The following MARCHF11 variants were observed in gnomAD, a reference collection of about 807,000 sequenced individuals.
MARCHF11 encodes the protein membrane associated ring-CH-type finger 11, also known as E3 ubiquitin-protein ligase MARCHF11.
MARCHF11 carries 29 observed loss-of-function variants against 37.3 expected under a neutral mutation model. That is an observed-to-expected ratio of 0.78 (90% CI 0.58 to 1.06). The LOEUF (loss-of-function observed/expected upper bound fraction) is 1.06, where lower values mean the gene tolerates loss of function less well. Ranked by LOEUF, MARCHF11 falls within the 50% of genes least tolerant of loss-of-function variation. The probability of loss-of-function intolerance (pLI) is 0.00; values close to 1 mark genes in which losing one functional copy is unlikely to be tolerated. For missense variants in MARCHF11, 482 were observed against 533.4 expected (o/e 0.90, Z 0.95); for synonymous variants, 233 against 228.0 (o/e 1.02, Z -0.20).
chr5:16,094,118 G>A (rs921511784), intron 2 of MARCHF11, among the ~76,000 whole-genome samples: 3 of 152,154 alleles, frequency 2.0e-5, no homozygotes, highest in Non-Finnish European at 2.9e-5. Flanking sequence ...TTTGAAGACA[G>A]CTATCATCTT....
At position 16,154,029 on chromosome 5, in the gene MARCHF11, C is replaced by T. The variant is rs533082360; in HGVS notation, c.693+23697G>A. On this transcript the variant is annotated intron_variant, in intron 2 of 3. Coordinates refer to ENST00000332432, the MANE Select transcript of MARCHF11 (RefSeq NM_001102562.3). ...GTATCAGGACAACGAGATAGGAGAG[C>T]CTGGACTTGATAACACAGAGCACTT... 4.6e-5 allele frequency among the ~76,000 whole-genome samples: 7 copies of T among 152,012 alleles called. No individual in the cohort carries two copies. In the South Asian group the frequency reaches 1.0e-3, roughly 22 times the overall value.
intron 2 of MARCHF11, 46 bp from the exon 3 acceptor site, chr5:16,091,127 A>T (rs1298179259): frequency 7.2e-6 from 9 of 1,244,160 alleles, no homozygotes; most frequent in East Asian, 5.9e-5. Context: ...GTGTATAATT[A>T]AAAAAGAAAA....
intron 2 of MARCHF11, among the ~76,000 whole-genome samples, chr5:16,104,680 C>CAA (rs35879619): frequency 7.0e-4 from 99 of 142,034 alleles, no homozygotes; most frequent in African/African-American, 1.6e-3. Flanking sequence ...CCATTTACCT[C>CAA]AAAAAAAAAA....
intron 2 of MARCHF11, among the ~76,000 whole-genome samples, chr5:16,093,288 AGTCTATGAT>A (rs1457272857): frequency 6.6e-6 from 1 of 152,220 alleles, no homozygotes; most frequent in East Asian, 1.9e-4. Flanking sequence ...TTTGGCAATA[AGTCTATGAT>A]GTAATCTTAG....
At chr5:16,155,664 C>T (rs1737968416) in intron 2 of MARCHF11, among the ~76,000 whole-genome samples, 1 of 151,702 alleles carries the variant, frequency 6.6e-6, no homozygotes, top group South Asian at 2.1e-4. Flanking sequence ...TTGGTACAAC[C>T]GAAGCACCTA....
chr5:16,116,794 G>C (rs1462157419), intron 2 of MARCHF11, among the ~76,000 whole-genome samples: 1 of 152,088 alleles, frequency 6.6e-6, no homozygotes. Context: ...ATGGGATTTG[G>C]GGAAAATGCA....
rs116344305 is a variant in MARCHF11 at position 16,122,252 on chromosome 5, G to A, written c.694-31171C>T. Among the ~76,000 whole-genome samples, 536 of 152,208 alleles carry A rather than the reference G, an allele frequency of 3.5e-3. 1 individual carries two copies. The highest frequency in any genetic ancestry group is 0.012 in the African/African-American group (516 of 41,536). On this transcript the variant is annotated intron_variant, in intron 2 of 3. Coordinates refer to ENST00000332432, the MANE Select transcript of MARCHF11 (RefSeq NM_001102562.3). ...ACTTTCCCAGGGAAAGCATGCACAC[G>A]TATAAGCATGCACTGGGTCTGAGTC... is the stretch of plus-strand genomic sequence containing the variant.
chr5:16,096,099 C>T (rs552762817), intron 2 of MARCHF11, among the ~76,000 whole-genome samples: 1 of 152,162 alleles, frequency 6.6e-6, no homozygotes, highest in Non-Finnish European at 1.5e-5. Context: ...TCTGCCTACT[C>T]TCTCTGCTCT....
chr5:16,098,515 C>G (rs1185817268), intron 2 of MARCHF11, among the ~76,000 whole-genome samples: 3 of 151,962 alleles, frequency 2.0e-5, no homozygotes, highest in Non-Finnish European at 4.4e-5. Flanking sequence ...ACCTGTAATC[C>G]CAGCACTTTG....
intron 2 of MARCHF11, among the ~76,000 whole-genome samples, chr5:16,095,554 G>C (rs576353323): frequency 5.3e-4 from 81 of 152,138 alleles, no homozygotes; most frequent in African/African-American, 1.8e-3. Flanking sequence ...TCTCCCAAAT[G>C]CACTGTTTAC....
intron 3 of MARCHF11, among the ~76,000 whole-genome samples, chr5:16,080,138 C>A (rs1736583671): frequency 6.6e-6 from 1 of 152,204 alleles, no homozygotes; most frequent in African/African-American, 2.4e-5. Flanking sequence ...CTCTGAACCC[C>A]CTTCTGCCCA....
At chr5:16,121,882 A>T (rs2126577603) in intron 2 of MARCHF11, among the ~76,000 whole-genome samples, 1 of 152,344 alleles carries the variant, frequency 6.6e-6, no homozygotes, top group Non-Finnish European at 1.5e-5. Context: ...TGTCCATAAT[A>T]ACAGTGCTAA....
chr5:16,173,218 G>A (rs1443877178), intron 2 of MARCHF11, among the ~76,000 whole-genome samples: 1 of 152,170 alleles, frequency 6.6e-6, no homozygotes, highest in Admixed American at 6.5e-5. Context: ...AGGAAAGTTG[G>A]TGAACATCAT....
chr5:16,117,824 C>T (rs1004121081), intron 2 of MARCHF11, among the ~76,000 whole-genome samples: 1 of 152,234 alleles, frequency 6.6e-6, no homozygotes, highest in Admixed American at 6.5e-5. Context: ...TTTCTTTATG[C>T]TGCTCAGACA....
intron 3 of MARCHF11, among the ~76,000 whole-genome samples, chr5:16,089,311 T>C (rs1251236849): frequency 6.6e-6 from 1 of 152,150 alleles, no homozygotes; most frequent in Non-Finnish European, 1.5e-5. Context: ...TCTTTGAATG[T>C]GTTAAGGGAT....
At chr5:16,075,406 T>C (rs988136297) in intron 3 of MARCHF11, among the ~76,000 whole-genome samples, 2 of 152,076 alleles carry the variant, frequency 1.3e-5, no homozygotes, top group African/African-American at 4.8e-5. Flanking sequence ...TGCCCACCAC[T>C]CTACACAGAA....
At chr5:16,142,556 A>G (rs866070252) in intron 2 of MARCHF11, among the ~76,000 whole-genome samples, 5 of 152,082 alleles carry the variant, frequency 3.3e-5, no homozygotes, top group African/African-American at 1.2e-4. Flanking sequence ...CCAGGTTTCG[A>G]GGGAGTATGG....
At chr5:16,158,173 A>G (rs752213090) in intron 2 of MARCHF11, among the ~76,000 whole-genome samples, 4 of 151,942 alleles carry the variant, frequency 2.6e-5, no homozygotes, top group East Asian at 1.9e-4. Context: ...GAGACGAAAG[A>G]TAAGTGTTGG....
intron 3 of MARCHF11, among the ~76,000 whole-genome samples, chr5:16,081,500 G>A (rs531473623): frequency 1.3e-5 from 2 of 152,238 alleles, no homozygotes; most frequent in South Asian, 2.1e-4. Flanking sequence ...CTTAGATCCC[G>A]GGCTGTACAA....
Sources: allele counts gnomAD v4.1 joint callset (sites outside exome capture counted in the v4.1 genomes callset), GRCh38; gene constraint gnomAD v4.1.1; transcripts MANE v1.5; gene names NCBI Gene and HGNC (gene_info 2026-07-23, HGNC 2026-07-21).